RTL4: variants seen among roughly 807,000 people sequenced by gnomAD.
RTL4 encodes the protein retrotransposon Gag-like protein 4.
In RTL4, 4 loss-of-function variants were observed where a neutral mutation model predicts 5.3. That is an observed-to-expected ratio of 0.75 (90% CI 0.37 to 1.72). The LOEUF (loss-of-function observed/expected upper bound fraction) is 1.72, where lower values mean the gene tolerates loss of function less well. RTL4 is among the 40% of genes most tolerant of loss of function. RTL4 has a pLI of 0.04. For missense variants in RTL4, 260 were observed against 227.1 expected (o/e 1.14, Z -0.93); for synonymous variants, 98 against 87.3 (o/e 1.12, Z -0.68).
chrX:112,396,740 T>C, the RTL4 span, among the ~76,000 whole-genome samples: 5 of 111,530 alleles, frequency 4.5e-5, no homozygotes, highest in Non-Finnish European at 3.8e-5. Context: ...TTTTTGTCTA[T>C]TGTTCTATTT....
At chrX:112,440,051 G>A in the RTL4 span, among the ~76,000 whole-genome samples, 2 of 111,590 alleles carry the variant, frequency 1.8e-5, no homozygotes, top group African/African-American at 6.5e-5. Flanking sequence ...AAAAAAGATG[G>A]AAGAAAGAGG....
At chrX:112,253,449 G>A in the RTL4 span, among the ~76,000 whole-genome samples, 2 of 112,106 alleles carry the variant, frequency 1.8e-5, no homozygotes, top group African/African-American at 6.5e-5. Context: ...CCATCTTTAT[G>A]CTTTGCTTCC....
At chrX:112,083,431 A>G in the RTL4 span, among the ~76,000 whole-genome samples, 1 of 112,448 alleles carries the variant, frequency 8.9e-6, no homozygotes. Context: ...GGCGGCTGGT[A>G]GGACAGGGAG....
At chrX:112,156,403 C>A in the RTL4 span, among the ~76,000 whole-genome samples, 1 of 112,273 alleles carries the variant, frequency 8.9e-6, no homozygotes, top group African/African-American at 3.2e-5. Context: ...GATATCAATG[C>A]TGGATAAAAT....
the RTL4 span, among the ~76,000 whole-genome samples, chrX:112,108,698 C>T: frequency 8.9e-6 from 1 of 111,910 alleles, no homozygotes; most frequent in South Asian, 3.8e-4. Context: ...GCTGCTGAGG[C>T]CAGCATAGCT....
chrX:112,439,803 A>G, the RTL4 span, among the ~76,000 whole-genome samples: 1 of 110,967 alleles, frequency 9.0e-6, no homozygotes, highest in Admixed American at 9.6e-5. Context: ...CTCTCTTTCC[A>G]TGTGACATGC....
chrX:112,393,967 G>C, the RTL4 span, among the ~76,000 whole-genome samples: 2 of 111,868 alleles, frequency 1.8e-5, no homozygotes, highest in Non-Finnish European at 3.8e-5. Flanking sequence ...GGGTCTCTGC[G>C]TGTGCCAGAG....
At chrX:112,223,090 C>CAGG in the RTL4 span, among the ~76,000 whole-genome samples, 17 of 112,215 alleles carry the variant, frequency 1.5e-4, no homozygotes, top group East Asian at 4.5e-3. Flanking sequence ...GAAGAAGGGC[C>CAGG]AGGAGATCAT....
chrX:112,389,601 T>A, the RTL4 span, among the ~76,000 whole-genome samples: 1 of 111,899 alleles, frequency 8.9e-6, no homozygotes, highest in African/African-American at 3.2e-5. Flanking sequence ...ATTGTATTTT[T>A]GTTCTCATTA....
At chrX:112,346,606 G>A in the RTL4 span, among the ~76,000 whole-genome samples, 2 of 110,916 alleles carry the variant, frequency 1.8e-5, no homozygotes, top group Non-Finnish European at 3.8e-5. Context: ...ATACAGATTG[G>A]TGCCTTCTCT....
chrX:112,120,363 G>A, the RTL4 span, among the ~76,000 whole-genome samples: 2 of 111,762 alleles, frequency 1.8e-5, no homozygotes, highest in African/African-American at 3.3e-5. Flanking sequence ...TGCAAGCTCC[G>A]CCTCCCAGGT....
At chrX:112,117,464 G>T in the RTL4 span, among the ~76,000 whole-genome samples, 2 of 110,810 alleles carry the variant, frequency 1.8e-5, no homozygotes, top group South Asian at 7.5e-4. Context: ...CAAAAATGGT[G>T]TTAATACCCT....
the RTL4 span, among the ~76,000 whole-genome samples, chrX:112,392,279 G>A: frequency 1.8e-5 from 2 of 111,605 alleles, no homozygotes; most frequent in Non-Finnish European, 3.8e-5. Flanking sequence ...AACCTGCACG[G>A]TGAGGAGATA....
the RTL4 span, among the ~76,000 whole-genome samples, chrX:112,429,025 C>A: frequency 9.0e-6 from 1 of 111,507 alleles, no homozygotes; most frequent in Non-Finnish European, 1.9e-5. Flanking sequence ...TACTTTTAAT[C>A]TAAATGTGTC....
chrX:112,442,775 A>AT, the RTL4 span, among the ~76,000 whole-genome samples: 114 of 110,489 alleles, frequency 1.0e-3, no homozygotes, highest in African/African-American at 3.3e-3. Context: ...TTTTTTAATA[A>AT]TTTTTTATTT....
At chrX:112,327,194 G>A in the RTL4 span, among the ~76,000 whole-genome samples, 4 of 112,123 alleles carry the variant, frequency 3.6e-5, no homozygotes, top group East Asian at 1.1e-3. Flanking sequence ...GGCTTCAGAT[G>A]ATCAAATCAC....
chrX:112,347,976 A>T, the RTL4 span, among the ~76,000 whole-genome samples: 1 of 111,783 alleles, frequency 8.9e-6, no homozygotes, highest in African/African-American at 3.2e-5. Context: ...ATACAGTCTC[A>T]TAAACTAAAT....
At chrX:112,399,947 T>C in the RTL4 span, among the ~76,000 whole-genome samples, 1 of 111,798 alleles carries the variant, frequency 8.9e-6, no homozygotes, top group Non-Finnish European at 1.9e-5. Context: ...TGTATTCTTC[T>C]GGTTTTGAAG....
At chrX:112,173,437 G>A in the RTL4 span, among the ~76,000 whole-genome samples, 1 of 111,101 alleles carries the variant, frequency 9.0e-6, no homozygotes, top group South Asian at 3.9e-4. Flanking sequence ...GTGTGGCCTT[G>A]GGAAAGTTAC....
Sources: gnomAD v4.1 joint callset for allele counts (sites outside exome capture counted in the v4.1 genomes callset) on GRCh38, gnomAD v4.1.1 for gene constraint, MANE v1.5 for transcripts, NCBI Gene and HGNC (gene_info 2026-07-23, HGNC 2026-07-21) for gene names.